GULP1: variants seen among roughly 807,000 people sequenced by gnomAD.
The protein encoded by GULP1 is PTB domain-containing engulfment adapter protein 1.
A neutral mutation model predicts 40.9 loss-of-function variants in GULP1; 19 were observed. The observed-to-expected ratio is 0.46, with a 90% confidence interval of 0.32 to 0.68. GULP1 has a LOEUF of 0.68. GULP1 is among the 30% of genes least tolerant of loss of function. GULP1 has a pLI of 0.03. For synonymous variants in GULP1, 119 were observed against 117.6 expected, an observed-to-expected ratio of 1.01 and a Z score of -0.08; for missense variants, 312 against 362.2, an observed-to-expected ratio of 0.86 and a Z score of 1.12.
chr2:188,522,318 T>C (rs1421128784), intron 4 of GULP1, among the ~76,000 whole-genome samples: 2 of 151,730 alleles, frequency 1.3e-5, no homozygotes, highest in African/African-American at 2.4e-5. Context: ...GGGAGAGACG[T>C]GAGAAAAAAA....
At chr2:188,567,557 A>G (rs924200165) in intron 7 of GULP1, among the ~76,000 whole-genome samples, 3 of 152,160 alleles carry the variant, frequency 2.0e-5, no homozygotes, top group Non-Finnish European at 4.4e-5. Flanking sequence ...CAAACACCAC[A>G]TGTTCTCACC....
chr2:188,314,593 G>T (rs1011637286), intron 1 of GULP1, among the ~76,000 whole-genome samples: 6 of 152,034 alleles, frequency 3.9e-5, no homozygotes, highest in African/African-American at 1.4e-4. Context: ...AACTAACTTT[G>T]TAAAACCTCC....
chr2:188,463,993 GT>G (rs1559271050), intron 2 of GULP1, among the ~76,000 whole-genome samples: 1 of 151,852 alleles, frequency 6.6e-6, no homozygotes, highest in Non-Finnish European at 1.5e-5. Context: ...ACATATCTCT[GT>G]TTCTCCAGGA....
At position 188,508,530 on chromosome 2, in the gene GULP1, T is replaced by C. The variant is rs193067493; in HGVS notation, c.91-14226T>C. Among the ~76,000 whole-genome samples, 8 of 151,996 alleles carry C rather than the reference T, an allele frequency of 5.3e-5. No homozygotes were observed. In the East Asian group the frequency reaches 1.6e-3, roughly 30 times the overall value. Reference sequence around the variant, plus strand: ...ACTGATTAAAGTGAGATGGACCCAGTTGATTATACAAAGAGTACTACACTC... The same window carrying C: ...ACTGATTAAAGTGAGATGGACCCAGCTGATTATACAAAGAGTACTACACTC... On this transcript the variant is annotated intron_variant, in intron 4 of 11. Transcript: ENST00000409830.
chr2:188,539,427 T>C (rs1689851278), intron 6 of GULP1, among the ~76,000 whole-genome samples: 1 of 152,114 alleles, frequency 6.6e-6, no homozygotes, highest in South Asian at 2.1e-4. Context: ...GAAACTGTTC[T>C]AATAGGCAAA....
chr2:188,565,123 T>C (rs1697331583), intron 7 of GULP1, among the ~76,000 whole-genome samples: 1 of 151,878 alleles, frequency 6.6e-6, no homozygotes. Flanking sequence ...TAGAATGTCA[T>C]TATGAACTTT....
At chr2:188,481,855 A>C (rs1301929500) in intron 3 of GULP1, among the ~76,000 whole-genome samples, 4 of 151,956 alleles carry the variant, frequency 2.6e-5, no homozygotes, top group Admixed American at 6.6e-5. Context: ...GCCTTGGAAG[A>C]AGTATTGTGA....
At chr2:188,550,616 C>T (rs963167167) in intron 7 of GULP1, among the ~76,000 whole-genome samples, 7 of 151,186 alleles carry the variant, frequency 4.6e-5, no homozygotes, top group Non-Finnish European at 7.4e-5. Flanking sequence ...ATTAATTCTC[C>T]GTAAAAAGGG....
chr2:188,522,949 A>G (rs1685220798), intron 5 of GULP1, 122 bp downstream of exon 5: 1 of 603,550 alleles, frequency 1.7e-6, no homozygotes, highest in South Asian at 2.0e-5. Context: ...TTAAAAATGA[A>G]CTATTGAACA....
At chr2:188,346,082 A>T (rs1042192498) in intron 1 of GULP1, among the ~76,000 whole-genome samples, 5 of 152,242 alleles carry the variant, frequency 3.3e-5, no homozygotes, top group African/African-American at 1.2e-4. Context: ...TAATAGACCT[A>T]TCTGGATAAA....
Position 188,380,521 on chromosome 2 carries a change from C to A in GULP1, c.-171-3242C>A, listed in dbSNP as rs182835050. Among the ~76,000 whole-genome samples, 3 of 151,934 alleles carry A rather than the reference C, an allele frequency of 2.0e-5. No homozygotes were observed. In the East Asian group the frequency reaches 5.8e-4, roughly 29 times the overall value. On this transcript the variant is annotated intron_variant, in intron 1 of 11. Coordinates refer to ENST00000409830, the MANE Select transcript of GULP1 (RefSeq NM_016315.4). ...GTGTGAGCAATCAGTGGGGATTGAA[C>A]GTTTACTTACTTAAAGTCACAGGAC... is the stretch of plus-strand genomic sequence containing the variant.
intron 1 of GULP1, among the ~76,000 whole-genome samples, chr2:188,375,983 G>A (rs4666759): frequency 0.49 from 74,273 of 151,792 alleles, 18,662 homozygotes; most frequent in East Asian, 0.72. Context: ...TATATGAAAA[G>A]CCAGCCCTCC....
intron 4 of GULP1, among the ~76,000 whole-genome samples, chr2:188,519,718 T>C (rs1393464529): frequency 1.3e-5 from 2 of 152,226 alleles, no homozygotes; most frequent in Non-Finnish European, 2.9e-5. Context: ...TAGGGAGCTT[T>C]AAAATATATA....
intron 1 of GULP1, among the ~76,000 whole-genome samples, chr2:188,369,413 T>C (rs1031283993): frequency 5.9e-5 from 9 of 151,668 alleles, no homozygotes; most frequent in African/African-American, 2.2e-4. Context: ...CTCACTCACC[T>C]CAGAAAGGCT....
intron 3 of GULP1, among the ~76,000 whole-genome samples, chr2:188,479,457 A>T (rs970562000): frequency 6.6e-6 from 1 of 152,052 alleles, no homozygotes; most frequent in Non-Finnish European, 1.5e-5. Flanking sequence ...GTTTTGTTTT[A>T]TATAGAGATA....
At chr2:188,384,090 A>G (rs1270110238) in intron 2 of GULP1, 1 of 152,152 alleles carries the variant, frequency 6.6e-6, no homozygotes, top group Admixed American at 6.6e-5. Flanking sequence ...ATTTTGTTCT[A>G]TATAATTTTA....
chr2:188,377,336 A>G (rs35015018), intron 1 of GULP1, among the ~76,000 whole-genome samples: 18,845 of 152,200 alleles, frequency 0.12, 1,348 homozygotes, highest in Middle Eastern at 0.17. Context: ...GGGCTATATG[A>G]TTAGTGCTGT....
chr2:188,339,309 A>T (rs2042674225), intron 1 of GULP1, among the ~76,000 whole-genome samples: 1 of 152,100 alleles, frequency 6.6e-6, no homozygotes. Flanking sequence ...GAATTATCAG[A>T]GACTTTCTGT....
chr2:188,427,815 C>G (rs947483515), intron 2 of GULP1, among the ~76,000 whole-genome samples: 1 of 152,212 alleles, frequency 6.6e-6, no homozygotes, highest in African/African-American at 2.4e-5. Flanking sequence ...ACACAGAATC[C>G]CCATTGGGGC....
Sources: gnomAD v4.1 joint callset for allele counts (sites outside exome capture counted in the v4.1 genomes callset) on GRCh38, gnomAD v4.1.1 for gene constraint, MANE v1.5 for transcripts, NCBI Gene and HGNC (gene_info 2026-07-23, HGNC 2026-07-21) for gene names.